PDGFRL: variants seen among roughly 807,000 people sequenced by gnomAD.
PDGFRL encodes the protein platelet derived growth factor receptor like, also known as platelet-derived growth factor receptor-like protein.
Under a neutral mutation model 37.2 loss-of-function variants are expected in PDGFRL, and 46 were observed. That is an observed-to-expected ratio of 1.24 (90% CI 0.98 to 1.58). The LOEUF is 1.58. Among genes scored for constraint, PDGFRL ranks in the 40% most tolerant of loss-of-function variants. PDGFRL has a pLI of 0.00. For synonymous variants in PDGFRL, 251 were observed against 184.3 expected (o/e 1.36, Z -2.93); for missense variants, 692 against 467.6 (o/e 1.48, Z -4.43).
chr8:17,601,480 C>T (rs775403173), intron 2 of PDGFRL, among the ~76,000 whole-genome samples: 27 of 150,348 alleles, frequency 1.8e-4, no homozygotes, highest in Non-Finnish European at 3.0e-4. Context: ...CTCTTTCTAA[C>T]TTTTAGGTTG....
At chr8:17,615,583 G>T (rs572248396) in intron 2 of PDGFRL, among the ~76,000 whole-genome samples, 102 of 152,254 alleles carry the variant, frequency 6.7e-4, no homozygotes, top group Middle Eastern at 3.4e-3. Flanking sequence ...ACTTAATGTA[G>T]CTGTGAGAAC....
chr8:17,631,558 A>T (rs746192851), intron 4 of PDGFRL, among the ~76,000 whole-genome samples: 4 of 151,660 alleles, frequency 2.6e-5, no homozygotes, highest in Non-Finnish European at 4.4e-5. Flanking sequence ...ACTCTTCCCC[A>T]CTAGAACCAA....
Position 17,593,253 on chromosome 8 carries a change from A to C in PDGFRL, c.353+3488A>C, listed in dbSNP as rs369670889. ...AATCTGGAAAGGCTTACCACTATAT[A>C]TATTTATGTACAGTAAAAAACATAT... On this transcript the variant is annotated intron_variant, in intron 2 of 5. Coordinates refer to ENST00000251630, the MANE Select transcript of PDGFRL (RefSeq NM_001372073.1). Among the ~76,000 whole-genome samples the C allele has an allele frequency of 2.6e-5, 4 of 151,880 alleles. No homozygotes were observed. The South Asian group carries it at 8.3e-4, about 32-fold the overall frequency.
intron 5 of PDGFRL, among the ~76,000 whole-genome samples, chr8:17,635,036 T>C (rs1044868915): frequency 6.6e-6 from 1 of 152,190 alleles, no homozygotes; most frequent in African/African-American, 2.4e-5. Flanking sequence ...TCTTTCCTCC[T>C]GCCCCCACCT....
rs562367091 is a variant in PDGFRL at position 17,626,944 on chromosome 8, C to T, written c.506-1543C>T. On this transcript the variant is annotated intron_variant, in intron 3 of 5. Coordinates refer to ENST00000251630, the MANE Select transcript of PDGFRL (RefSeq NM_001372073.1). ...TAAGAGACTGGCTGAGGATTCCCAG[C>T]CAGGTGCTGGCCAAGCCGAGAGCAG... Among the ~76,000 whole-genome samples, 38 of 152,288 alleles carry T rather than the reference C, an allele frequency of 2.5e-4. 1 individual carries two copies. In the South Asian group the frequency reaches 7.7e-3, roughly 31 times the overall value.
intron 1 of PDGFRL, 146 bp from the exon 2 acceptor site, chr8:17,589,322 G>C: frequency 1.6e-5 from 11 of 668,314 alleles, no homozygotes; most frequent in South Asian, 5.5e-5. Context: ...GGAGGTGGAG[G>C]TTGCAGTGAG....
chr8:17,576,787 G>C, upstream of PDGFRL: 1 of 585,620 alleles, frequency 1.7e-6, no homozygotes, highest in East Asian at 1.4e-4. Flanking sequence ...GAGAGAAATG[G>C]AATGAACAGA....
At chr8:17,589,863 C>T (rs1183377175) in intron 2 of PDGFRL, 98 bp downstream of exon 2, 1 of 719,348 alleles carries the variant, frequency 1.4e-6, no homozygotes. Flanking sequence ...TGACATGTTC[C>T]ATTTTACCCT....
At chr8:17,616,894 G>T (rs575054049) in intron 2 of PDGFRL, among the ~76,000 whole-genome samples, 1 of 152,068 alleles carries the variant, frequency 6.6e-6, no homozygotes, top group Middle Eastern at 3.2e-3. Flanking sequence ...AGTCTTCACC[G>T]GGGCAGACAG....
At chr8:17,592,418 A>G (rs1358603013) in intron 2 of PDGFRL, among the ~76,000 whole-genome samples, 1 of 151,940 alleles carries the variant, frequency 6.6e-6, no homozygotes, top group Non-Finnish European at 1.5e-5. Context: ...CTGGAGCAAC[A>G]CTTAAAAGTC....
upstream of PDGFRL, chr8:17,576,719 GAC>G: frequency 1.0e-6 from 1 of 984,924 alleles, no homozygotes; most frequent in Non-Finnish European, 1.2e-6. Flanking sequence ...ACTCTGGCCA[GAC>G]ACAGAGGAGC....
chr8:17,608,199 A>G (rs1279524042), intron 2 of PDGFRL, among the ~76,000 whole-genome samples: 1 of 152,074 alleles, frequency 6.6e-6, no homozygotes, highest in Non-Finnish European at 1.5e-5. Flanking sequence ...TGCCTTTCAG[A>G]CCACATCCTA....
At chr8:17,595,416 G>A (rs531263581) in intron 2 of PDGFRL, among the ~76,000 whole-genome samples, 19 of 152,166 alleles carry the variant, frequency 1.2e-4, no homozygotes, top group Non-Finnish European at 2.5e-4. Context: ...CTCGGGTAGG[G>A]GCCATGCCCC....
At chr8:17,603,539 C>T (rs772141979) in intron 2 of PDGFRL, among the ~76,000 whole-genome samples, 5 of 152,148 alleles carry the variant, frequency 3.3e-5, no homozygotes, top group Admixed American at 6.6e-5. Flanking sequence ...TCTTTGAGAT[C>T]GGAAATAGCA....
chr8:17,633,559 T>A (rs967688066), intron 4 of PDGFRL, among the ~76,000 whole-genome samples: 3 of 152,154 alleles, frequency 2.0e-5, no homozygotes, highest in Non-Finnish European at 4.4e-5. Context: ...GAATTCCCCA[T>A]AATGAAGAAA....
chr8:17,592,064 G>T (rs1356433657), intron 2 of PDGFRL, among the ~76,000 whole-genome samples: 1 of 152,144 alleles, frequency 6.6e-6, no homozygotes. Flanking sequence ...CCAACCAGAA[G>T]ACTGGGCGGC....
chr8:17,583,666 A>T (rs1803755211), intron 1 of PDGFRL, among the ~76,000 whole-genome samples: 1 of 152,052 alleles, frequency 6.6e-6, no homozygotes, highest in African/African-American at 2.4e-5. Context: ...GAGGTGTTTG[A>T]GTCGTGGGGG....
At chr8:17,628,245 C>T (rs1334019822) in intron 3 of PDGFRL, among the ~76,000 whole-genome samples, 2 of 152,018 alleles carry the variant, frequency 1.3e-5, no homozygotes, top group Non-Finnish European at 2.9e-5. Context: ...CTGCCCGCCT[C>T]AGCCTCCCAA....
intron 2 of PDGFRL, among the ~76,000 whole-genome samples, chr8:17,592,500 A>G (rs1408877964): frequency 2.0e-5 from 3 of 152,128 alleles, no homozygotes; most frequent in Non-Finnish European, 2.9e-5. Flanking sequence ...GCATCCTCAT[A>G]TGGCAGTGAA....
Sources: gnomAD v4.1 joint callset for allele counts (sites outside exome capture counted in the v4.1 genomes callset) on GRCh38, gnomAD v4.1.1 for gene constraint, MANE v1.5 for transcripts, NCBI Gene and HGNC (gene_info 2026-07-23, HGNC 2026-07-21) for gene names.